The following VIT variants were observed in gnomAD, a reference collection of about 807,000 sequenced individuals.
VIT encodes the protein vitrin.
A neutral mutation model predicts 78.0 loss-of-function variants in VIT; 99 were observed. The ratio of observed to expected loss-of-function variants is 1.27; its 90% confidence interval spans 1.08 to 1.50. The LOEUF (loss-of-function observed/expected upper bound fraction) is 1.50, where lower values mean the gene tolerates loss of function less well. VIT is among the 40% of genes most tolerant of loss of function. The pLI is 0.00. For missense variants in VIT, 1,126 were observed against 875.3 expected (o/e 1.29, Z -3.61); for synonymous variants, 374 against 334.3 (o/e 1.12, Z -1.29).
chr2:36,796,911 A>C (rs1226562975), intron 12 of VIT, among the ~76,000 whole-genome samples: 1 of 152,210 alleles, frequency 6.6e-6, no homozygotes, highest in Non-Finnish European at 1.5e-5. Flanking sequence ...AATCTAGCCC[A>C]CAAATCATTT....
chr2:36,725,121 T>A (rs1214948905), intron 2 of VIT, among the ~76,000 whole-genome samples: 1 of 152,154 alleles, frequency 6.6e-6, no homozygotes, highest in Non-Finnish European at 1.5e-5. Context: ...CTGGCTAGAC[T>A]TCTGGTTCTC....
chr2:36,708,966 A>G lies in VIT; in HGVS notation c.-18-7387A>G, dbSNP rs1018639709. ...GAAGTTCGAGACGAGCGTGACCAAC[A>G]TGGTGAAACCTCATCTCTACTAAAA... is the stretch of plus-strand genomic sequence containing the variant. On this transcript the variant is annotated intron_variant, in intron 1 of 15. Coordinates refer to ENST00000379242, the MANE Select transcript of VIT (RefSeq NM_053276.4). Among the ~76,000 whole-genome samples the G allele has an allele frequency of 4.6e-5, 7 of 152,152 alleles. No homozygotes were observed. The South Asian group carries it at 6.2e-4, about 14-fold the overall frequency.
chr2:36,798,325 C>T (rs1236492347), intron 12 of VIT, among the ~76,000 whole-genome samples: 3 of 151,946 alleles, frequency 2.0e-5, no homozygotes, highest in Non-Finnish European at 4.4e-5. Flanking sequence ...CCAGGACTCC[C>T]GGTGTTACAG....
In VIT at chr2:36,754,939, A is replaced by C. The variant is rs1266883933; in HGVS notation, c.294A>C (p.Ser98=). The C allele has an allele frequency of 6.2e-7, 1 of 1,614,008 alleles. No homozygotes were observed. Among genetic ancestry groups the C allele is most frequent in the South Asian group, 1.1e-5 (1 of 91,024 alleles). ...AAVHSGVLDN[S]GGKILVRKVA... The stretch of plus-strand genomic sequence containing the variant: ...TTCATAGTGGTGTGCTTGATAATTC[A>C]GGAGGGAAAATACTTGTTCGGAAGG... The change falls in exon 5 of 16, where the codon TCA becomes TCC. Residue 98 remains serine (S), a synonymous_variant. Coordinates refer to ENST00000379242, the MANE Select transcript of VIT (RefSeq NM_053276.4).
chr2:36,770,095 G>C (rs1198808635), intron 7 of VIT, among the ~76,000 whole-genome samples: 1 of 152,190 alleles, frequency 6.6e-6, no homozygotes, highest in Non-Finnish European at 1.5e-5. Context: ...AAAGGTTCTA[G>C]AACTGGTTGT....
At chr2:36,721,820 C>T (rs1400638815) in intron 2 of VIT, among the ~76,000 whole-genome samples, 1 of 152,214 alleles carries the variant, frequency 6.6e-6, no homozygotes, top group Non-Finnish European at 1.5e-5. Context: ...GGAAGCTTCC[C>T]TCCACCCCCT....
intron 2 of VIT, among the ~76,000 whole-genome samples, chr2:36,719,208 T>C (rs7603396): frequency 0.09 from 13,654 of 152,170 alleles, 1,096 homozygotes; most frequent in African/African-American, 0.22. Flanking sequence ...AAAGGCCAGG[T>C]ATGACAGGGC....
At chr2:36,758,902 A>C in intron 5 of VIT, 67 bp from the exon 6 acceptor site, 1 of 1,350,502 alleles carries the variant, frequency 7.4e-7, no homozygotes, top group Non-Finnish European at 1.0e-6. Context: ...GAATCAACTT[A>C]GTACAGAACC....
intron 1 of VIT, among the ~76,000 whole-genome samples, chr2:36,702,290 C>T (rs1158423850): frequency 1.3e-5 from 2 of 152,234 alleles, no homozygotes; most frequent in East Asian, 1.9e-4. Flanking sequence ...AGACACAGAG[C>T]GTGCCATCCT....
intron 1 of VIT, among the ~76,000 whole-genome samples, chr2:36,705,523 T>G (rs2148418743): frequency 6.6e-6 from 1 of 152,250 alleles, no homozygotes; most frequent in East Asian, 1.9e-4. Flanking sequence ...CCTTTTTGGT[T>G]TTCTGACATG....
At chr2:36,767,873 T>C (rs1336089991) in intron 7 of VIT, among the ~76,000 whole-genome samples, 1 of 152,230 alleles carries the variant, frequency 6.6e-6, no homozygotes, top group Non-Finnish European at 1.5e-5. Flanking sequence ...CCATCCTAAG[T>C]TAATAAGCAT....
intron 4 of VIT, among the ~76,000 whole-genome samples, chr2:36,752,326 T>C (rs545010146): frequency 6.6e-6 from 1 of 152,126 alleles, no homozygotes; most frequent in Non-Finnish European, 1.5e-5. Context: ...CTCTGACCAG[T>C]GCCCACCCTC....
chr2:36,760,524 G>A (rs1319939345), intron 6 of VIT, among the ~76,000 whole-genome samples: 4 of 152,090 alleles, frequency 2.6e-5, no homozygotes, highest in East Asian at 1.9e-4. Flanking sequence ...CTGGTGCCTC[G>A]TGGGCCATTT....
chr2:36,723,648 T>C (rs1378748610), intron 2 of VIT, among the ~76,000 whole-genome samples: 1 of 152,214 alleles, frequency 6.6e-6, no homozygotes, highest in African/African-American at 2.4e-5. Context: ...GTCCTGATTG[T>C]CACATCAGAG....
In VIT at chr2:36,805,293, G is replaced by A. The variant is rs891701155; in HGVS notation, c.1163-145G>A. 28 of 889,592 alleles carry A rather than the reference G, an allele frequency of 3.1e-5. No individual in the cohort carries two copies. In the African/African-American group the frequency reaches 5.5e-4, roughly 17 times the overall value. 55.1% of individuals were successfully genotyped at this position (889,592 alleles called of 1,614,324 possible). A position where few individuals can be genotyped will look rare whatever the true frequency, so the allele number is the denominator to read the frequency against. On this transcript the variant is annotated intron_variant, in intron 13 of 15. Coordinates refer to ENST00000379242, the MANE Select transcript of VIT (RefSeq NM_053276.4). Reference sequence around the variant, plus strand: ...CATTCCAGCCTGGGCAACAGAGCAAGACCCTGTCTCAAAGGAAAAAAAAAA... The same window carrying A: ...CATTCCAGCCTGGGCAACAGAGCAAAACCCTGTCTCAAAGGAAAAAAAAAA...
At position 36,808,701 on chromosome 2, in the gene VIT, TTGAGA is replaced by T. The variant is rs1558595337; in HGVS notation, c.1621_1625del (p.Glu541PhefsTer30). On this transcript the variant is annotated frameshift_variant, in exon 15 of 16. Coordinates refer to ENST00000379242, the MANE Select transcript of VIT (RefSeq NM_053276.4). LOFTEE classifies it high-confidence loss of function. ...TTTGTGACCAACCTCACCAAAGAGT[TTGAGA>T]TTTCCGACACGGACACGCGCATCGG... 6.2e-7 allele frequency: 1 copy of T among 1,614,190 alleles called. No individual in the cohort carries two copies. The highest frequency in any genetic ancestry group is 1.7e-5 in the Admixed American group (1 of 60,028).
chr2:36,727,928 T>C lies in VIT; in HGVS notation c.53-1498T>C, dbSNP rs114240168. On this transcript the variant is annotated intron_variant, in intron 2 of 15. Coordinates refer to ENST00000379242, the MANE Select transcript of VIT (RefSeq NM_053276.4). Reference sequence around the variant, plus strand: ...ACAAGTAACAACTATGTTGCTGGCGTGTGTGTTTTCTTTTTTTTGAGATGA... The same window carrying C: ...ACAAGTAACAACTATGTTGCTGGCGCGTGTGTTTTCTTTTTTTTGAGATGA... Among the ~76,000 whole-genome samples, 19 of 151,154 alleles carry C rather than the reference T, an allele frequency of 1.3e-4. 1 individual carries two copies. The highest frequency in any genetic ancestry group is 4.6e-4 in the Admixed American group (7 of 15,262).
chr2:36,789,391 T>G (rs1258978812), intron 12 of VIT, among the ~76,000 whole-genome samples: 3 of 152,222 alleles, frequency 2.0e-5, no homozygotes, highest in African/African-American at 4.8e-5. Context: ...AATGTGGGAC[T>G]AACAGACCAG....
Position 36,805,508 on chromosome 2 carries a change from T to TGTG in VIT, c.1243_1245dup (p.Val415dup), listed in dbSNP as rs747734455. 6.2e-7 allele frequency: 1 copy of TGTG among 1,613,978 alleles called. No individual in the cohort carries two copies. Among genetic ancestry groups the TGTG allele is most frequent in the Admixed American group, 1.7e-5 (1 of 59,996 alleles). On this transcript the variant is annotated inframe_insertion, in exon 14 of 16. Coordinates refer to ENST00000379242, the MANE Select transcript of VIT (RefSeq NM_053276.4). ...ATGGAAACAGAAGCGGGGCTCCCAA[T>TGTG]GTGGTGGTGGTGATGGTGGATGGCT...
Sources: allele counts gnomAD v4.1 joint callset (sites outside exome capture counted in the v4.1 genomes callset), GRCh38; gene constraint gnomAD v4.1.1; transcripts MANE v1.5; gene names NCBI Gene and HGNC (gene_info 2026-07-23, HGNC 2026-07-21).